The following FGL2 variants were observed in gnomAD, a reference collection of about 807,000 sequenced individuals.
The protein encoded by FGL2 is fibroleukin.
In FGL2, 21 loss-of-function variants were observed where a neutral mutation model predicts 36.0. That is an observed-to-expected ratio of 0.58 (90% CI 0.41 to 0.84). FGL2 has a LOEUF of 0.84. Ranked by LOEUF, FGL2 falls within the 40% of genes least tolerant of loss-of-function variation. The pLI is 0.00. For missense variants in FGL2, 444 were observed against 526.3 expected, an observed-to-expected ratio of 0.84 and a Z score of 1.53; for synonymous variants, 183 against 190.7, an observed-to-expected ratio of 0.96 and a Z score of 0.33.
At chr7:77,198,181 A>C (rs1791911685) in intron 1 of FGL2, 1 of 985,324 alleles carries the variant, frequency 1.0e-6, no homozygotes, top group African/African-American at 1.7e-5. Flanking sequence ...GGCTGCCAGG[A>C]GTATTACCAA....
At chr7:77,198,305 C>T in intron 1 of FGL2, 1 of 985,428 alleles carries the variant, frequency 1.0e-6, no homozygotes, top group Non-Finnish European at 1.2e-6. Flanking sequence ...GTCCTTTCAA[C>T]CTCACGTTCA....
Position 77,195,956 on chromosome 7 carries a change from C to T in FGL2, c.*323G>A, listed in dbSNP as rs1325837016. ...ACAGGCGTGAGCTACCACACCCAGCCAACAATTATTTTTTAAATACAGCAA... is the reference window on the plus strand; with the variant it reads ...ACAGGCGTGAGCTACCACACCCAGCTAACAATTATTTTTTAAATACAGCAA... On this transcript the variant is annotated 3_prime_UTR_variant, in exon 2 of 2. Coordinates refer to ENST00000248598, the MANE Select transcript of FGL2 (RefSeq NM_006682.3). The T allele has an allele frequency of 4.3e-6, 1 of 229,960 alleles. No homozygotes were observed. The highest frequency in any genetic ancestry group is 1.0e-4 in the East Asian group (1 of 9,976). The allele number at this position is 229,960 out of a possible 1,614,324, so 14.2% of individuals were successfully genotyped here.
In FGL2 at chr7:77,199,319, C is replaced by T. The variant is rs1402782011; in HGVS notation, c.475G>A (p.Glu159Lys). 1.2e-6 allele frequency: 2 copies of T among 1,614,136 alleles called. No individual in the cohort carries two copies. Among genetic ancestry groups the T allele is most frequent in the East Asian group, 2.2e-5 (1 of 44,866 alleles). Residue 159 changes from glutamate (E) to lysine (K), a missense_variant, in exon 1 of 2, where the codon GAG becomes AAG. Glu to Lys is a moderately conservative substitution (Grantham distance 56). Transcript: ENST00000248598. ...TTCATATTTACAAGATTCAGCTTCT[C>T]CAGGCGACCATGAAGTACATTGATC... is the stretch of plus-strand genomic sequence containing the variant. ...EEINVLHGRL[E>K]KLNLVNMNNI...
At chr7:77,197,816 A>C (rs548951066) in intron 1 of FGL2, among the ~76,000 whole-genome samples, 70 of 152,290 alleles carry the variant, frequency 4.6e-4, no homozygotes, top group African/African-American at 1.6e-3. Flanking sequence ...CCACTATTTC[A>C]CATGTTGGGT....
In FGL2 at chr7:77,199,687, T is replaced by G. The variant is rs1185292412; in HGVS notation, c.107A>C (p.Lys36Thr). 1 of 1,614,068 alleles carries G rather than the reference T, an allele frequency of 6.2e-7. No individual in the cohort carries two copies. The highest frequency in any genetic ancestry group is 1.3e-5 in the African/African-American group (1 of 74,930). ...ETEEIKDERA[K>T]DVCPVRLESR... ...TTCTAGTCTCACTGGGCAGACATCC[T>G]TTGCTCTTTCATCTTTAATTTCCTC... The change falls in exon 1 of 2, where the codon AAG becomes ACG. Residue 36 changes from lysine to threonine, a missense_variant. Coordinates refer to ENST00000248598, the MANE Select transcript of FGL2 (RefSeq NM_006682.3).
At chr7:77,197,547 G>C (rs1791897763) in intron 1 of FGL2, among the ~76,000 whole-genome samples, 1 of 152,166 alleles carries the variant, frequency 6.6e-6, no homozygotes, top group South Asian at 2.1e-4. Context: ...AACTCTCCTA[G>C]AACTGTATTC....
chr7:77,198,168 G>C (rs1484926895), intron 1 of FGL2: 2 of 985,334 alleles, frequency 2.0e-6, no homozygotes, highest in Admixed American at 6.1e-5. Flanking sequence ...ACATTCAGAT[G>C]CAGGCTGCCA....
In FGL2 at chr7:77,199,609, G is replaced by T; in HGVS notation, c.185C>A (p.Pro62His). The T allele has an allele frequency of 1.2e-6, 2 of 1,614,094 alleles. No homozygotes were observed. The highest frequency in any genetic ancestry group is 1.7e-6 in the Non-Finnish European group (2 of 1,179,982). The part of the protein sequence containing the change: ...AGECPYQVSL[P>H]PLTIQLPKQF... ...CTTCGGGAGCTGAATAGTCAAGGGG[G>T]GCAGGCTTACCTGGTAGGGGCACTC... is the stretch of plus-strand genomic sequence containing the variant. Residue 62 changes from proline (P) to histidine (H), a missense_variant, in exon 1 of 2, where the codon CCC (proline) becomes CAC (histidine). Pro to His is a moderately conservative substitution (Grantham distance 77). Transcript: ENST00000248598.
chr7:77,197,110 C>G (rs1194207860), intron 1 of FGL2, 125 bp from the exon 2 acceptor site: 1 of 644,830 alleles, frequency 1.6e-6, no homozygotes, highest in African/African-American at 1.8e-5. Context: ...CTTTACTAAA[C>G]TTACTTGAAC....
At chr7:77,197,458 A>G (rs1268316816) in intron 1 of FGL2, among the ~76,000 whole-genome samples, 1 of 152,224 alleles carries the variant, frequency 6.6e-6, no homozygotes, top group Non-Finnish European at 1.5e-5. Context: ...GAGCCAGGAC[A>G]CTAACTCAGA....
At position 77,199,551 on chromosome 7, in the gene FGL2, T is replaced by C; in HGVS notation, c.243A>G (p.Glu81=). The C allele has an allele frequency of 6.2e-7, 1 of 1,614,162 alleles. No homozygotes were observed. Among genetic ancestry groups the C allele is most frequent in the Non-Finnish European group, 8.5e-7 (1 of 1,180,006 alleles). Residue 81 remains glutamate, a synonymous_variant, in exon 1 of 2, where the codon GAA becomes GAG. Coordinates refer to ENST00000248598, the MANE Select transcript of FGL2 (RefSeq NM_006682.3). ...QFSRIEEVFK[E]VQNLKEIVNS... ...TTACGATTTCCTTGAGGTTTTGGACTTCTTTGAACACCTCCTCGATCCTGC... is the reference window on the plus strand; with the variant it reads ...TTACGATTTCCTTGAGGTTTTGGACCTCTTTGAACACCTCCTCGATCCTGC...
chr7:77,197,830 TAGAA>T (rs1177431978), intron 1 of FGL2, among the ~76,000 whole-genome samples: 3 of 152,202 alleles, frequency 2.0e-5, no homozygotes, highest in Admixed American at 6.5e-5. Flanking sequence ...GTTGGGTTTC[TAGAA>T]AGAAACAACA....
Position 77,196,856 on chromosome 7 carries a change from C to T in FGL2, c.743G>A (p.Gly248Glu), listed in dbSNP as rs773321059. The change falls in exon 2 of 2, where the codon GGG becomes GAG. Residue 248 changes from glycine (G) to glutamate (E), a missense_variant. Coordinates refer to ENST00000248598, the MANE Select transcript of FGL2 (RefSeq NM_006682.3). This position sits in a 1 kb window ranked among gnomAD's most constrained non-coding sequence, Gnocchi z 4.2. ...TGCCTGCAGCACTGTCCAGCCTCCC[C>T]CCATGGTCTCCATGTCACAGTAAAC... is the stretch of plus-strand genomic sequence containing the variant. Reference protein sequence around the residue: ...FEVYCDMETMGGGWTVLQARL... With the variant: ...FEVYCDMETMEGGWTVLQARL... 153 of 1,613,888 alleles carry T rather than the reference C, an allele frequency of 9.5e-5. No individual in the cohort carries two copies. Among genetic ancestry groups the T allele is most frequent in the Non-Finnish European group, 1.2e-4 (141 of 1,179,990 alleles).
At chr7:77,198,068 A>T in intron 1 of FGL2, 1 of 911,748 alleles carries the variant, frequency 1.1e-6, no homozygotes, top group Non-Finnish European at 1.3e-6. Context: ...TAGTCTTCAT[A>T]TCATGACAAG....
rs866620690 is a variant in FGL2 at position 77,196,010 on chromosome 7, T to A, written c.*269A>T. 2 of 368,498 alleles carry A rather than the reference T, an allele frequency of 5.4e-6. No homozygotes were observed. The highest frequency in any genetic ancestry group is 7.2e-5 in the South Asian group (1 of 13,872). The allele number at this position is 368,498 out of a possible 1,614,324, so 22.8% of individuals were successfully genotyped here. On this transcript the variant is annotated 3_prime_UTR_variant, in exon 2 of 2. Transcript: ENST00000248598. This position sits in a 1 kb window ranked among gnomAD's most constrained non-coding sequence, Gnocchi z 4.2. ...ATACAAGCAATAGAAAAAGTTTCAATAGAAATTAAAAGAATTGTAAATCTA... is the reference window on the plus strand; with the variant it reads ...ATACAAGCAATAGAAAAAGTTTCAAAAGAAATTAAAAGAATTGTAAATCTA...
At position 77,199,685 on chromosome 7, in the gene FGL2, C is replaced by A. The variant is rs758222955; in HGVS notation, c.109G>T (p.Asp37Tyr). The A allele has an allele frequency of 1.2e-6, 2 of 1,614,040 alleles. No individual in the cohort carries two copies. The highest frequency in any genetic ancestry group is 3.3e-5 in the Admixed American group (2 of 59,988). ...TEEIKDERAKDVCPVRLESRG... is the reference protein window; with the variant it reads ...TEEIKDERAKYVCPVRLESRG... ...CTTTCTAGTCTCACTGGGCAGACAT[C>A]CTTTGCTCTTTCATCTTTAATTTCC... The change falls in exon 1 of 2, where the codon GAT becomes TAT. Residue 37 changes from aspartate to tyrosine, a missense_variant. Asp to Tyr is a radical substitution (Grantham distance 160). Coordinates refer to ENST00000248598, the MANE Select transcript of FGL2 (RefSeq NM_006682.3).
intron 1 of FGL2, 98 bp from the exon 2 acceptor site, chr7:77,197,083 C>A (rs988876547): frequency 1.3e-6 from 1 of 742,068 alleles, no homozygotes; most frequent in Admixed American, 2.6e-5. Context: ...ATAATTGAAT[C>A]AATGGCAGTA....
Position 77,199,778 on chromosome 7 carries a change from A to C in FGL2, c.16T>G (p.Trp6Gly). 6.2e-7 allele frequency: 1 copy of C among 1,613,934 alleles called. No individual in the cohort carries two copies. Among genetic ancestry groups the C allele is most frequent in the Non-Finnish European group, 8.5e-7 (1 of 1,179,890 alleles). ...AGAACAGCTGAGCTCAGCCAGTACC[A>C]GTTAGCCAGCTTCATCTTTACAGTG... MKLAN[W>G]YWLSSAVLAT... is the part of the protein sequence containing the mutation. Residue 6 changes from tryptophan (W) to glycine (G), a missense_variant, in exon 1 of 2, where the codon TGG (tryptophan) becomes GGG (glycine). Trp to Gly is a radical substitution (Grantham distance 184). Coordinates refer to ENST00000248598, the MANE Select transcript of FGL2 (RefSeq NM_006682.3).
At position 77,196,798 on chromosome 7, in the gene FGL2, T is replaced by C. The variant is rs753328837; in HGVS notation, c.801A>G (p.Thr267=). ...CAAAGCCTGCTTTGTAGTCTTGCCA[T>C]GTTCTGGTGAAGTTGGTGCTCCCAT... ...RLDGSTNFTR[T]WQDYKAGFGN... Residue 267 remains threonine, a synonymous_variant, in exon 2 of 2, where the codon ACA becomes ACG. Transcript: ENST00000248598. The surrounding 1 kb of genome is among the most constrained non-coding windows in gnomAD (Gnocchi z 4.2). 4 of 1,614,082 alleles carry C rather than the reference T, an allele frequency of 2.5e-6. No homozygotes were observed. In the Admixed American group the frequency reaches 6.7e-5, roughly 27 times the overall value.
Sources: gnomAD v4.1 joint callset for allele counts (sites outside exome capture counted in the v4.1 genomes callset) on GRCh38, gnomAD v4.1.1 for gene constraint, Gnocchi (gnomAD v3.1) non-coding constraint, MANE v1.5 for transcripts, NCBI Gene and HGNC (gene_info 2026-07-23, HGNC 2026-07-21) for gene names.